Variants in LINGO3 observed in about 807,000 individuals in gnomAD.
LINGO3 encodes leucine-rich repeat and immunoglobulin-like domain-containing nogo receptor-interacting protein 3.
For synonymous variants in LINGO3, 427 were observed against 444.2 expected (o/e 0.96, Z 0.49); for missense variants, 750 against 867.7 (o/e 0.86, Z 1.70).
chr19:2,296,854 C>T (rs1450712405), upstream of LINGO3, among the ~76,000 whole-genome samples: 38 of 150,936 alleles, frequency 2.5e-4, no homozygotes, highest in East Asian at 8.2e-4. Context: ...TTTGGGAGGC[C>T]GAGGCGGGCA....
At chr19:2,296,563 C>T (rs2025573554), upstream of LINGO3, among the ~76,000 whole-genome samples, 1 of 152,028 alleles carries the variant, frequency 6.6e-6, no homozygotes, top group African/African-American at 2.4e-5. Context: ...ACTGCAACCT[C>T]CACCTCCTGG....
chr19:2,290,659 T>C lies in LINGO3; in HGVS notation c.1118A>G (p.Asp373Gly). Residue 373 changes from aspartate (D) to glycine (G), a missense_variant, in exon 1 of 1, where the codon GAC becomes GGC. Transcript: ENST00000585527. This position sits in a 1 kb window ranked among gnomAD's most constrained non-coding sequence, Gnocchi z 6.0. ...GGTGGCGCAGGCCGGCAGCCGCCCGTCGAAGTTGAGGGTCTTGCGACGCTG... is the reference window on the plus strand; with the variant it reads ...GGTGGCGCAGGCCGGCAGCCGCCCGCCGAAGTTGAGGGTCTTGCGACGCTG... The C allele has an allele frequency of 1.2e-6, 2 of 1,604,804 alleles. No individual in the cohort carries two copies. Among genetic ancestry groups the C allele is most frequent in the South Asian group, 2.2e-5 (2 of 90,258 alleles).
At chr19:2,291,905 G>A in exon 1 of LINGO3, 1 of 776,434 alleles carries the variant, frequency 1.3e-6, no homozygotes, top group Non-Finnish European at 2.1e-6. Flanking sequence ...CCCCTAACCC[G>A]TCCCAGCACG....
exon 1 of LINGO3, chr19:2,291,700 G>A (rs2025525382): frequency 7.5e-7 from 1 of 1,339,784 alleles, no homozygotes; most frequent in South Asian, 1.8e-5. Context: ...GCAGCGGGCC[G>A]GGCAGCCTCC....
chr19:2,291,191 G>T, exon 1 of LINGO3: 1 of 1,609,006 alleles, frequency 6.2e-7, no homozygotes. Context: ...CTGCGCAGAT[G>T]GCCCAGCGAC....
the LINGO3 span, among the ~76,000 whole-genome samples, chr19:2,305,746 C>T: frequency 6.6e-6 from 1 of 152,304 alleles, no homozygotes; most frequent in Admixed American, 6.5e-5. Context: ...CCTCTGCCCC[C>T]CACCACAACC....
chr19:2,292,124 G>A (rs112484881), upstream of LINGO3: 1,670 of 334,656 alleles, frequency 5.0e-3, 25 homozygotes, highest in African/African-American at 0.034. Flanking sequence ...GGAGGTGGAG[G>A]CTGCAGTGAG....
chr19:2,290,023 C>G lies in LINGO3; in HGVS notation c.1754G>C (p.Arg585Pro), dbSNP rs1402279196. Residue 585 changes from arginine to proline, a missense_variant, in exon 1 of 1, where the codon CGC becomes CCC. Transcript: ENST00000585527. The surrounding 1 kb of genome is among the most constrained non-coding windows in gnomAD (Gnocchi z 6.0). ...TCAGATCATCTTCATGTTGAACTTGCGCGCGCCTCCCTGGCCCGCCGCGGC... is the reference window on the plus strand; with the variant it reads ...TCAGATCATCTTCATGTTGAACTTGGGCGCGCCTCCCTGGCCCGCCGCGGC... 10 of 1,545,418 alleles carry G rather than the reference C, an allele frequency of 6.5e-6. No individual in the cohort carries two copies. Among genetic ancestry groups the G allele is most frequent in the Non-Finnish European group, 8.7e-6 (10 of 1,144,854 alleles).
chr19:2,306,741 A>C, the LINGO3 span, among the ~76,000 whole-genome samples: 1 of 151,414 alleles, frequency 6.6e-6, no homozygotes, highest in Non-Finnish European at 1.5e-5. Flanking sequence ...GCTGAGTTGA[A>C]CCCTCCTAAG....
chr19:2,294,706 C>T (rs991443473), upstream of LINGO3, among the ~76,000 whole-genome samples: 1 of 151,954 alleles, frequency 6.6e-6, no homozygotes, highest in Non-Finnish European at 1.5e-5. The surrounding 1 kb of genome is among the most constrained non-coding windows in gnomAD (Gnocchi z 4.3). Context: ...TCCGTGGGTC[C>T]TGGTAGCTGT....
At chr19:2,298,365 G>C in the LINGO3 span, among the ~76,000 whole-genome samples, 1 of 151,288 alleles carries the variant, frequency 6.6e-6, no homozygotes, top group Non-Finnish European at 1.5e-5. Flanking sequence ...CAAGTAGCTG[G>C]GATTATAGGC....
upstream of LINGO3, among the ~76,000 whole-genome samples, chr19:2,293,914 G>A (rs549674253): frequency 7.9e-5 from 12 of 152,094 alleles, no homozygotes; most frequent in South Asian, 1.0e-3. Flanking sequence ...TTAGCCTGGC[G>A]TGGTGGCGCG....
the LINGO3 span, among the ~76,000 whole-genome samples, chr19:2,304,136 ACATTCATTCAACAAGCATTCATT>A: frequency 6.6e-6 from 1 of 152,210 alleles, no homozygotes; most frequent in African/African-American, 2.4e-5. Flanking sequence ...CATTCAACAA[ACATTCATTCAACAAGCATTCATT>A]CATTCATTCA....
At chr19:2,305,171 C>T in the LINGO3 span, among the ~76,000 whole-genome samples, 1,115 of 152,250 alleles carry the variant, frequency 7.3e-3, 7 homozygotes, top group Non-Finnish European at 0.012. Flanking sequence ...CCTCCCGGAT[C>T]TGTGCACCTG....
At position 2,290,394 on chromosome 19, in the gene LINGO3, G is replaced by C. The variant is rs2025506559; in HGVS notation, c.1383C>G (p.Pro461=). Reference sequence around the variant, plus strand: ...CGTCCTGGATCTCCAGCGTCCCCCCGGGGAGCACGCGCGCCCGGCCCGCGC... The same window carrying C: ...CGTCCTGGATCTCCAGCGTCCCCCCCGGGAGCACGCGCGCCCGGCCCGCGC... Residue 461 remains proline, a synonymous_variant, in exon 1 of 1, where the codon CCC becomes CCG. Coordinates refer to ENST00000585527, the Ensembl canonical transcript of LINGO3. This position sits in a 1 kb window ranked among gnomAD's most constrained non-coding sequence, Gnocchi z 6.0. 1.4e-6 allele frequency: 2 copies of C among 1,454,758 alleles called. No homozygotes were observed. The highest frequency in any genetic ancestry group is 1.8e-6 in the Non-Finnish European group (2 of 1,111,094). 90.1% of individuals were successfully genotyped at this position (1,454,758 alleles called of 1,614,324 possible). A position where few individuals can be genotyped will look rare whatever the true frequency, so the allele number is the denominator to read the frequency against.
chr19:2,304,947 G>C, the LINGO3 span, among the ~76,000 whole-genome samples: 16 of 152,018 alleles, frequency 1.1e-4, no homozygotes, highest in Non-Finnish European at 2.2e-4. Context: ...GATCTCCAGT[G>C]ATCTGCCTGC....
At chr19:2,303,441 C>T in the LINGO3 span, among the ~76,000 whole-genome samples, 1 of 149,920 alleles carries the variant, frequency 6.7e-6, no homozygotes, top group Non-Finnish European at 1.5e-5. Context: ...GATGGGGAGC[C>T]GGGGTCAGCA....
At chr19:2,301,597 G>A in the LINGO3 span, among the ~76,000 whole-genome samples, 201 of 152,240 alleles carry the variant, frequency 1.3e-3, no homozygotes, top group African/African-American at 4.4e-3. Flanking sequence ...GGACGGCGAC[G>A]TGCTCAGGGC....
At chr19:2,305,085 G>A in the LINGO3 span, among the ~76,000 whole-genome samples, 2 of 152,096 alleles carry the variant, frequency 1.3e-5, no homozygotes, top group African/African-American at 4.8e-5. Context: ...AATGTGTGTG[G>A]TTCCCAGCCA....
Sources: allele counts gnomAD v4.1 joint callset (sites outside exome capture counted in the v4.1 genomes callset), GRCh38; gene constraint gnomAD v4.1.1; non-coding constraint Gnocchi (gnomAD v3.1); transcripts MANE v1.5; gene names NCBI Gene and HGNC (gene_info 2026-07-23, HGNC 2026-07-21).